Variants in RABEP2 observed in about 807,000 individuals in gnomAD.
RABEP2 encodes the protein rab GTPase-binding effector protein 2.
In RABEP2, 57 loss-of-function variants were observed where a neutral mutation model predicts 74.1. That is an observed-to-expected ratio of 0.77 (90% confidence interval 0.62 to 0.96). The LOEUF is 0.96. RABEP2 is among the 40% of genes least tolerant of loss of function. The pLI, the probability that RABEP2 is intolerant of heterozygous loss-of-function variation, is 0.00. For synonymous variants in RABEP2, 351 were observed against 344.0 expected, an observed-to-expected ratio of 1.02 and a Z score of -0.23; for missense variants, 692 against 756.3, an observed-to-expected ratio of 0.91 and a Z score of 1.00.
At chr16:28,921,246 C>T (rs1964465031) in intron 2 of RABEP2, 1 of 455,780 alleles carries the variant, frequency 2.2e-6, no homozygotes, top group Non-Finnish European at 4.4e-6. Context: ...AACACAAAGC[C>T]TGCCACCGGG....
At chr16:28,919,638 C>T (rs1312380293) in intron 3 of RABEP2, 148 bp downstream of exon 3, 7 of 927,146 alleles carry the variant, frequency 7.6e-6, no homozygotes, top group African/African-American at 1.6e-5. Context: ...GAGCACAGAG[C>T]CAAGCTCTCA....
At chr16:28,910,828 C>T (rs11646653) in intron 7 of RABEP2, 60 bp downstream of exon 7, 985,404 of 1,440,920 alleles carry the variant, frequency 0.68, 340,198 homozygotes, top group East Asian at 0.87. Context: ...CCTTCCACCA[C>T]GTGCAACTGA....
chr16:28,917,009 T>C (rs987316969), intron 3 of RABEP2, among the ~76,000 whole-genome samples: 1 of 151,388 alleles, frequency 6.6e-6, no homozygotes, highest in African/African-American at 2.4e-5. Context: ...AAAAAAATTA[T>C]GTCACATTTA....
intron 3 of RABEP2, among the ~76,000 whole-genome samples, chr16:28,918,477 T>C (rs919451298): frequency 6.6e-6 from 1 of 151,782 alleles, no homozygotes; most frequent in Non-Finnish European, 1.5e-5. Flanking sequence ...TAGCTGGGCA[T>C]GGTGGCAGGT....
In RABEP2 at chr16:28,925,121, G is replaced by A; in HGVS notation, c.43C>T (p.Arg15Trp). Reference protein sequence around the residue: ...APVAADDDERRRRPGAALEDS... With the variant: ...APVAADDDERWRRPGAALEDS... Reference sequence around the variant, plus strand: ...CACGTACCAGCCCCCGGCCGCCGCCGCCGCTCATCGTCGTCCGCGGCCACC... The same window carrying A: ...CACGTACCAGCCCCCGGCCGCCGCCACCGCTCATCGTCGTCCGCGGCCACC... The change falls in exon 1 of 13, where the codon CGG becomes TGG. Residue 15 changes from arginine to tryptophan, a missense_variant. Coordinates refer to ENST00000358201, the MANE Select transcript of RABEP2 (RefSeq NM_024816.3). 6.5e-7 allele frequency: 1 copy of A among 1,533,042 alleles called. No homozygotes were observed. The highest frequency in any genetic ancestry group is 1.4e-5 in the African/African-American group (1 of 71,624). The allele number at this position is 1,533,042 out of a possible 1,614,324, so 95.0% of individuals were successfully genotyped here. A position where few individuals can be genotyped will look rare whatever the true frequency, so the allele number is the denominator to read the frequency against.
chr16:28,905,785 G>C (rs752782476), intron 10 of RABEP2, 26 bp from the exon 11 acceptor site: 29 of 1,613,766 alleles, frequency 1.8e-5, no homozygotes, highest in Non-Finnish European at 2.5e-5. Flanking sequence ...AGGGGGAGAC[G>C]TCAGGGCCAT....
intron 1 of RABEP2, 173 bp from the exon 2 acceptor site, chr16:28,924,788 G>A: frequency 1.4e-6 from 1 of 722,812 alleles, no homozygotes; most frequent in Non-Finnish European, 2.4e-6. Context: ...CGCTCTGCCG[G>A]GTGCTGCCTA....
In RABEP2 at chr16:28,905,494, A is replaced by T; in HGVS notation, c.1511T>A (p.Leu504His). 1 of 1,611,198 alleles carries T rather than the reference A, an allele frequency of 6.2e-7. No individual in the cohort carries two copies. Among genetic ancestry groups the T allele is most frequent in the Non-Finnish European group, 8.5e-7 (1 of 1,179,394 alleles). Reference sequence around the variant, plus strand: ...CAGCACCTTGGCCCTCTGTTCTGAGAGGAGGTCTGGGAGCTGGGCCTGCGG... The same window carrying T: ...CAGCACCTTGGCCCTCTGTTCTGAGTGGAGGTCTGGGAGCTGGGCCTGCGG... ...EQSKAQLPDL[L>H]SEQRAKVLRL... The change falls in exon 12 of 13, where the codon CTC becomes CAC. Residue 504 changes from leucine (L) to histidine (H), a missense_variant. Transcript: ENST00000358201.
chr16:28,907,767 G>A (rs947619629), intron 8 of RABEP2, among the ~76,000 whole-genome samples: 1 of 152,078 alleles, frequency 6.6e-6, no homozygotes, highest in African/African-American at 2.4e-5. Context: ...CTCCCAAGTA[G>A]CTGGGATTAC....
chr16:28,911,224 C>A (rs1420366694), intron 5 of RABEP2, 45 bp from the exon 6 acceptor site: 9 of 1,571,512 alleles, frequency 5.7e-6, no homozygotes, highest in Non-Finnish European at 6.9e-6. Context: ...AGGAACTTGG[C>A]CCCCCTCACC....
In RABEP2 at chr16:28,904,561, C is replaced by T. The variant is rs1455852382; in HGVS notation, c.*382G>A. The T allele has an allele frequency of 2.2e-6, 3 of 1,388,126 alleles. No individual in the cohort carries two copies. The highest frequency in any genetic ancestry group is 6.5e-5 in the East Asian group (2 of 30,884). 86.0% of individuals were successfully genotyped at this position (1,388,126 alleles called of 1,614,324 possible). A position where few individuals can be genotyped will look rare whatever the true frequency, so the allele number is the denominator to read the frequency against. ...CAGAAGGCAGCTGCCTGTCCCAGGG[C>T]CGGGGCCCACCTCACTGCCTCTGAT... On this transcript the variant is annotated 3_prime_UTR_variant, in exon 13 of 13. Transcript: ENST00000358201.
chr16:28,910,256 CT>C (rs1223042820), intron 7 of RABEP2: 1 of 151,504 alleles, frequency 6.6e-6, no homozygotes, highest in Non-Finnish European at 1.5e-5. Context: ...CGTATGTCTC[CT>C]CCCCAGTCTT....
At chr16:28,919,749 A>C (rs1378959434) in intron 3 of RABEP2, 37 bp downstream of exon 3, 1 of 1,576,824 alleles carries the variant, frequency 6.3e-7, no homozygotes, top group African/African-American at 1.3e-5. Flanking sequence ...CATTCTTCCA[A>C]ATCCCAGGGC....
intron 3 of RABEP2, among the ~76,000 whole-genome samples, chr16:28,915,422 A>C (rs1020887527): frequency 6.6e-6 from 1 of 151,906 alleles, no homozygotes; most frequent in African/African-American, 2.4e-5. Flanking sequence ...TAAATCCTAA[A>C]ATACCATCCA....
chr16:28,911,610 G>A (rs1964315103), intron 5 of RABEP2, among the ~76,000 whole-genome samples: 1 of 150,368 alleles, frequency 6.7e-6, no homozygotes, highest in Non-Finnish European at 1.5e-5. Flanking sequence ...GTTGCAGTGA[G>A]CAGTGAGCAG....
At position 28,914,777 on chromosome 16, in the gene RABEP2, G is replaced by A. The variant is rs750029170; in HGVS notation, c.438C>T (p.His146=). 26 of 1,613,838 alleles carry A rather than the reference G, an allele frequency of 1.6e-5. No homozygotes were observed. The highest frequency in any genetic ancestry group is 1.2e-4 in the Admixed American group (7 of 59,968). The part of the protein sequence containing the change: ...DSLEKQMEKA[H]EDSEKLREIV... ...TCTCCCGCAGCTTCTCCGAGTCCTC[G>A]TGGGCCTGGAGGGAGCGGGGTGTGG... The change falls in exon 4 of 13, where the codon CAC becomes CAT. Residue 146 remains histidine, a synonymous_variant. Transcript: ENST00000358201.
chr16:28,917,872 C>G (rs935687208), intron 3 of RABEP2: 1 of 152,184 alleles, frequency 6.6e-6, no homozygotes, highest in African/African-American at 2.4e-5. Flanking sequence ...GTTTCATGGG[C>G]TCCTGTCTTC....
chr16:28,922,964 AC>A (rs1964486289), intron 2 of RABEP2, among the ~76,000 whole-genome samples: 1 of 151,966 alleles, frequency 6.6e-6, no homozygotes, highest in Admixed American at 6.6e-5. Context: ...CAGCTATATG[AC>A]CTTGGGCAAG....
chr16:28,910,028 CAAAAAAA>C (rs779404464), intron 7 of RABEP2, among the ~76,000 whole-genome samples: 8 of 69,168 alleles, frequency 1.2e-4, no homozygotes, highest in South Asian at 6.1e-4. Context: ...GACTCCGTCT[CAAAAAAA>C]AAAAAAAAAA....
Sources: allele counts gnomAD v4.1 joint callset (sites outside exome capture counted in the v4.1 genomes callset), GRCh38; gene constraint gnomAD v4.1.1; transcripts MANE v1.5; gene names NCBI Gene and HGNC (gene_info 2026-07-23, HGNC 2026-07-21).